FLNB: variants seen among roughly 807,000 people sequenced by gnomAD.
FLNB encodes filamin-B.
Under a neutral mutation model 250.6 loss-of-function variants are expected in FLNB, and 111 were observed. That is an observed-to-expected ratio of 0.44 (90% CI 0.38 to 0.52). FLNB has a LOEUF of 0.52. Among genes scored for constraint, FLNB ranks in the 20% least tolerant of loss-of-function variants. The probability of loss-of-function intolerance (pLI) is 0.00; values close to 1 mark genes in which losing one functional copy is unlikely to be tolerated. For missense variants in FLNB, 2,869 were observed against 3,447.8 expected, an observed-to-expected ratio of 0.83 and a Z score of 4.20; for synonymous variants, 1,302 against 1,372.1, an observed-to-expected ratio of 0.95 and a Z score of 1.13.
At chr3:58,086,311 A>G (rs2106993217) in intron 4 of FLNB, among the ~76,000 whole-genome samples, 2 of 152,104 alleles carry the variant, frequency 1.3e-5, no homozygotes, top group South Asian at 4.2e-4. Context: ...TATTAGGTGT[A>G]TGTTTAAATC....
chr3:58,120,628 G>A (rs772490483), intron 19 of FLNB, among the ~76,000 whole-genome samples: 1 of 152,204 alleles, frequency 6.6e-6, no homozygotes, highest in South Asian at 2.1e-4. Context: ...GCATTTGGCA[G>A]CTCTGTGACT....
intron 19 of FLNB, 55 bp downstream of exon 19, chr3:58,119,044 C>G (rs2097283764): frequency 7.8e-7 from 1 of 1,282,882 alleles, no homozygotes. Flanking sequence ...AACGTGGCTG[C>G]TGGTTAGATT....
chr3:58,071,441 G>A (rs752486535), intron 1 of FLNB, among the ~76,000 whole-genome samples: 22 of 152,046 alleles, frequency 1.4e-4, no homozygotes, highest in Non-Finnish European at 3.2e-4. Context: ...ACCATGCCCA[G>A]CTAATTTTTG....
chr3:58,008,763 C>T lies in FLNB; in HGVS notation c.199C>T (p.His67Tyr), dbSNP rs751371914. 6.2e-7 allele frequency: 1 copy of T among 1,614,042 alleles called. No homozygotes were observed. Among genetic ancestry groups the T allele is most frequent in the South Asian group, 1.1e-5 (1 of 91,080 alleles). ...CCAGAAGCGCATGTACCGCAAGTAC[C>T]ATCAGCGGCCCACCTTTCGCCAGAT... ...LSQKRMYRKY[H>Y]QRPTFRQMQL... is the part of the protein sequence containing the mutation. The change falls in exon 1 of 46, where the codon CAT becomes TAT. Residue 67 changes from histidine (H) to tyrosine (Y), a missense_variant. Coordinates refer to ENST00000295956, the MANE Select transcript of FLNB (RefSeq NM_001457.4).
intron 4 of FLNB, among the ~76,000 whole-genome samples, chr3:58,085,813 T>G (rs929286792): frequency 1.3e-5 from 2 of 152,124 alleles, no homozygotes; most frequent in African/African-American, 2.4e-5. Flanking sequence ...TAAGCAAAGC[T>G]CCGCAGAAGT....
intron 24 of FLNB, among the ~76,000 whole-genome samples, chr3:58,128,405 A>T (rs371451217): frequency 1.2e-4 from 18 of 152,304 alleles, no homozygotes; most frequent in Admixed American, 8.5e-4. Context: ...ATATAGATTT[A>T]AAAAATTCCT....
At position 58,008,734 on chromosome 3, in the gene FLNB, T is replaced by C. The variant is rs1306005428; in HGVS notation, c.170T>C (p.Leu57Pro). ...GLRLIALLEV[L>P]SQKRMYRKYH... is the part of the protein sequence containing the mutation. ...CGGCTCATCGCGCTGCTCGAGGTGCTCAGCCAGAAGCGCATGTACCGCAAG... is the reference window on the plus strand; with the variant it reads ...CGGCTCATCGCGCTGCTCGAGGTGCCCAGCCAGAAGCGCATGTACCGCAAG... The change falls in exon 1 of 46, where the codon CTC (leucine) becomes CCC (proline). Residue 57 changes from leucine (L) to proline (P), a missense_variant. Physicochemically the swap from Leu to Pro is moderately conservative, Grantham distance 98 (BLOSUM62 -3). Transcript: ENST00000295956. The C allele has an allele frequency of 6.2e-7, 1 of 1,613,996 alleles. No homozygotes were observed. The highest frequency in any genetic ancestry group is 1.3e-5 in the African/African-American group (1 of 74,944).
At chr3:58,105,537 T>C (rs1171108080) in intron 11 of FLNB, among the ~76,000 whole-genome samples, 1 of 152,250 alleles carries the variant, frequency 6.6e-6, no homozygotes, top group Admixed American at 6.5e-5. Context: ...TGAATTTTGC[T>C]GAAATTTGGA....
intron 1 of FLNB, among the ~76,000 whole-genome samples, chr3:58,069,964 A>G (rs2097191614): frequency 2.0e-5 from 3 of 151,690 alleles, no homozygotes; most frequent in South Asian, 4.2e-4. Flanking sequence ...GTACTTAAGT[A>G]TTAGGAAAAT....
chr3:58,069,458 C>G (rs2097190965), intron 1 of FLNB, among the ~76,000 whole-genome samples: 1 of 152,064 alleles, frequency 6.6e-6, no homozygotes, highest in Non-Finnish European at 1.5e-5. Flanking sequence ...CCAGGCTGGT[C>G]TCGAACTCGT....
chr3:58,071,437 C>A (rs1035183195), intron 1 of FLNB, among the ~76,000 whole-genome samples: 1 of 151,966 alleles, frequency 6.6e-6, no homozygotes, highest in Non-Finnish European at 1.5e-5. Flanking sequence ...CACCACCATG[C>A]CCAGCTAATT....
rs1404117939 is a variant in FLNB at position 58,140,617 on chromosome 3, G to GT, written c.5110-1232dup. On this transcript the variant is annotated intron_variant, in intron 29 of 45. Coordinates refer to ENST00000295956, the MANE Select transcript of FLNB (RefSeq NM_001457.4). ...GAATCAGGAGCATTAAATCTTTTTTGTTTTTTTTTGAGACAGAATCTCACT... is the reference window on the plus strand; with the variant it reads ...GAATCAGGAGCATTAAATCTTTTTTGTTTTTTTTTTGAGACAGAATCTCACT... Among the ~76,000 whole-genome samples the GT allele has an allele frequency of 1.5e-3, 219 of 150,924 alleles. 1 individual carries two copies. The highest frequency in any genetic ancestry group is 0.014 in the Middle Eastern group (4 of 294).
intron 1 of FLNB, among the ~76,000 whole-genome samples, chr3:58,034,952 C>G (rs1393245805): frequency 6.6e-6 from 1 of 152,220 alleles, no homozygotes; most frequent in African/African-American, 2.4e-5. Context: ...GCTCACATCT[C>G]AGCCCACCAC....
At chr3:58,098,582 C>G (rs1178771446) in intron 7 of FLNB, 129 bp from the exon 8 acceptor site, 4 of 801,622 alleles carry the variant, frequency 5.0e-6, no homozygotes, top group Non-Finnish European at 8.4e-6. Flanking sequence ...ATCTACCCAC[C>G]TCGGCCTCTC....
intron 25 of FLNB, among the ~76,000 whole-genome samples, chr3:58,131,537 C>A (rs982406438): frequency 6.6e-6 from 1 of 152,212 alleles, no homozygotes; most frequent in African/African-American, 2.4e-5. Flanking sequence ...TCCTCCAGCA[C>A]TTAAAATGTG....
At position 58,057,489 on chromosome 3, in the gene FLNB, G is replaced by A. The variant is rs143441689; in HGVS notation, c.293-19557G>A. ...GGTATGAGGTTACCCTCTGGGTTCA[G>A]CGGGGAGATTTGGGAAGAGTTTTGA... On this transcript the variant is annotated intron_variant, in intron 1 of 45. Coordinates refer to ENST00000295956, the MANE Select transcript of FLNB (RefSeq NM_001457.4). Among the ~76,000 whole-genome samples the A allele has an allele frequency of 1.6e-4, 25 of 152,370 alleles. No individual in the cohort carries two copies. In the East Asian group the frequency reaches 3.9e-3, roughly 23 times the overall value.
At chr3:58,098,609 A>G in intron 7 of FLNB, 102 bp from the exon 8 acceptor site, 3 of 1,125,850 alleles carry the variant, frequency 2.7e-6, no homozygotes, top group Middle Eastern at 2.8e-4. Context: ...CTGGGATTAC[A>G]AGCATGAGCC....
intron 2 of FLNB, chr3:58,078,307 G>T (rs539248301): frequency 1.4e-6 from 2 of 1,438,964 alleles, no homozygotes; most frequent in South Asian, 3.1e-5. Context: ...ATAATTCTAG[G>T]TTTGTGCCTT....
At chr3:58,115,689 T>C (rs940461076) in intron 18 of FLNB, among the ~76,000 whole-genome samples, 1 of 152,192 alleles carries the variant, frequency 6.6e-6, no homozygotes, top group African/African-American at 2.4e-5. Context: ...TAGGGCTTTG[T>C]GTCCGGATGC....
Sources: gnomAD v4.1 joint callset for allele counts (sites outside exome capture counted in the v4.1 genomes callset) on GRCh38, gnomAD v4.1.1 for gene constraint, MANE v1.5 for transcripts, NCBI Gene and HGNC (gene_info 2026-07-23, HGNC 2026-07-21) for gene names.